The following UBE3A variants were observed in gnomAD, a reference collection of about 807,000 sequenced individuals.
UBE3A encodes the protein ubiquitin protein ligase E3A, also known as ubiquitin-protein ligase E3A.
In UBE3A, 6 loss-of-function variants were observed where a neutral mutation model predicts 83.4. The ratio of observed to expected loss-of-function variants is 0.07; its 90% CI spans 0.04 to 0.14. The LOEUF (loss-of-function observed/expected upper bound fraction) is 0.14, where lower values mean the gene tolerates loss of function less well. Among genes scored for constraint, UBE3A ranks in the 10% least tolerant of loss-of-function variants. The probability of loss-of-function intolerance (pLI) is 1.00; values close to 1 mark genes in which losing one functional copy is unlikely to be tolerated. For missense variants in UBE3A, 456 were observed against 1,036.1 expected (o/e 0.44, Z 7.69); for synonymous variants, 337 against 355.4 (o/e 0.95, Z 0.58).
rs80072134 is a variant in UBE3A, at chr15:25,342,433, A to G, written c.2355-2205T>C. ...TAAACGAAACCTTTAAAAATTTTAT[A>G]CAATGAAAACAGGGAACAAAATGCA... On this transcript the variant is annotated intron_variant, in intron 11 of 12. Coordinates refer to ENST00000648336, the MANE Select transcript of UBE3A (RefSeq NM_130839.5). Among the ~76,000 whole-genome samples, 80 of 151,782 alleles carry G rather than the reference A, an allele frequency of 5.3e-4. 1 individual carries two copies. In the East Asian group the frequency reaches 0.011, roughly 21 times the overall value.
At chr15:25,342,734 A>G (rs1335747801) in intron 11 of UBE3A, among the ~76,000 whole-genome samples, 1 of 152,192 alleles carries the variant, frequency 6.6e-6, no homozygotes, top group East Asian at 1.9e-4. Flanking sequence ...AGCAGGGTCC[A>G]GCAGGAGCTA....
At chr15:25,345,591 A>ACACACACACAC (rs1555384547) in intron 11 of UBE3A, 35 of 126,008 alleles carry the variant, frequency 2.8e-4, no homozygotes, top group Non-Finnish European at 4.6e-4. Context: ...CACACACACA[A>ACACACACACAC]ATAAATAAAT....
intron 3 of UBE3A, chr15:25,407,015 T>G (rs2088770769): frequency 7.9e-7 from 1 of 1,264,334 alleles, no homozygotes; most frequent in Non-Finnish European, 1.0e-6. Context: ...AATGCAAAAA[T>G]TTCACTCCAC....
rs2073896037 is a variant in UBE3A, at chr15:25,335,071, G to GT, written c.*4065dup. ...AAAGGTTATTAGAAGAAAAAAAGAT[G>GT]TAAGAAAATTCCTTAACTGAAATGT... On this transcript the variant is annotated 3_prime_UTR_variant, in exon 13 of 13. Transcript: ENST00000648336. 1 of 151,938 alleles carries GT rather than the reference G, an allele frequency of 6.6e-6. No homozygotes were observed. Among genetic ancestry groups the GT allele is most frequent in the African/African-American group, 2.4e-5 (1 of 41,328 alleles). 9.4% of individuals were successfully genotyped at this position (151,938 alleles called of 1,614,324 possible).
At chr15:25,351,258 A>G (rs1022972454) in intron 11 of UBE3A, among the ~76,000 whole-genome samples, 5 of 152,202 alleles carry the variant, frequency 3.3e-5, no homozygotes, top group African/African-American at 1.2e-4. Context: ...TTGATGAGAA[A>G]GAGTTTTTCT....
chr15:25,387,454 G>C (rs925783282), intron 4 of UBE3A, among the ~76,000 whole-genome samples: 1 of 151,960 alleles, frequency 6.6e-6, no homozygotes, highest in South Asian at 2.1e-4. Flanking sequence ...CCCGGGAGGC[G>C]GAGCTTGCGG....
intron 4 of UBE3A, among the ~76,000 whole-genome samples, chr15:25,382,977 T>C (rs1273028446): frequency 6.6e-6 from 1 of 151,788 alleles, no homozygotes; most frequent in Admixed American, 6.6e-5. Context: ...CACTGAAAAC[T>C]CTACCAAACA....
chr15:25,406,856 GAAAAAAAAA>G lies in UBE3A; in HGVS notation c.21-1363_21-1355del, dbSNP rs11413336. ...GATTCCAAGGACAAGAATGGAAAAGGAAAAAAAAAAAAAAAAAAGACTCCAGCAGCTCAA... is the reference window on the plus strand; with the variant it reads ...GATTCCAAGGACAAGAATGGAAAAGGAAAAAAAAAGACTCCAGCAGCTCAA... On this transcript the variant is annotated intron_variant, in intron 3 of 12. Coordinates refer to ENST00000648336, the MANE Select transcript of UBE3A (RefSeq NM_130839.5). 3.5e-5 allele frequency among the ~76,000 whole-genome samples: 4 copies of G among 114,676 alleles called. No homozygotes were observed. The East Asian group carries it at 1.3e-3, about 38-fold the overall frequency. 75.2% of individuals were successfully genotyped at this position (114,676 alleles called of 152,430 possible).
chr15:25,343,415 A>C (rs2075186988), intron 11 of UBE3A, among the ~76,000 whole-genome samples: 1 of 152,208 alleles, frequency 6.6e-6, no homozygotes, highest in Non-Finnish European at 1.5e-5. Context: ...AGAAATGAGC[A>C]CATCTTAAAT....
At position 25,409,189 on chromosome 15, in the gene UBE3A, G is replaced by A. The variant is rs1200059824; in HGVS notation, c.-82C>T. 3.0e-6 allele frequency: 4 copies of A among 1,354,778 alleles called. No homozygotes were observed. Among genetic ancestry groups the A allele is most frequent in the East Asian group, 4.7e-5 (2 of 42,150 alleles). 83.9% of individuals were successfully genotyped at this position (1,354,778 alleles called of 1,614,324 possible). ...ACCAGTCTAGCTGCTACCTTGATCT[G>A]AGCGTAGGCTTAATAACTCTAATAA... On this transcript the variant is annotated 5_prime_UTR_variant, in exon 3 of 13. Coordinates refer to ENST00000648336, the MANE Select transcript of UBE3A (RefSeq NM_130839.5).
intron 3 of UBE3A, 179 bp from the exon 4 acceptor site, chr15:25,405,681 T>A (rs2088354274): frequency 1.1e-5 from 7 of 650,048 alleles, no homozygotes; most frequent in South Asian, 9.5e-5. Context: ...TACAACACAT[T>A]TATTTTAAGG....
intron 3 of UBE3A, chr15:25,408,573 A>C: frequency 6.2e-7 from 1 of 1,612,778 alleles, no homozygotes; most frequent in Non-Finnish European, 8.5e-7. Flanking sequence ...AACACCCACT[A>C]ATCTGAATAC....
chr15:25,406,477 CTATT>C (rs1229615443), intron 3 of UBE3A, among the ~76,000 whole-genome samples: 2 of 152,052 alleles, frequency 1.3e-5, no homozygotes, highest in African/African-American at 4.8e-5. Context: ...ATTTCCCTAT[CTATT>C]CACTTTTATA....
At position 25,360,438 on chromosome 15, in the gene UBE3A, A is replaced by C; in HGVS notation, c.1698T>G (p.Gly566=). ...FEGEQGVDEG[G]VSKEFFQLVV... is the part of the protein sequence containing the mutation. ...CCAGCTGAAAAAATTCTTTGGAAAC[A>C]CCTCCCTCATCAACTCCTTGTTCTC... The change falls in exon 7 of 13, where the codon GGT becomes GGG. Residue 566 remains glycine, a synonymous_variant. Coordinates refer to ENST00000648336, the MANE Select transcript of UBE3A (RefSeq NM_130839.5). 1 of 1,613,824 alleles carries C rather than the reference A, an allele frequency of 6.2e-7. No individual in the cohort carries two copies. The highest frequency in any genetic ancestry group is 8.5e-7 in the Non-Finnish European group (1 of 1,179,900).
intron 5 of UBE3A, chr15:25,374,105 T>C (rs978573235): frequency 6.6e-6 from 1 of 152,074 alleles, no homozygotes; most frequent in African/African-American, 2.4e-5. Context: ...ATTTCCAATA[T>C]ACAATAGTAA....
intron 4 of UBE3A, among the ~76,000 whole-genome samples, chr15:25,389,979 T>C (rs893790141): frequency 3.3e-5 from 5 of 152,010 alleles, no homozygotes; most frequent in South Asian, 2.1e-4. Flanking sequence ...AATTAAAAAA[T>C]TGGCCAACAA....
At chr15:25,378,505 T>C (rs763581145) in intron 4 of UBE3A, among the ~76,000 whole-genome samples, 1 of 152,158 alleles carries the variant, frequency 6.6e-6, no homozygotes. Context: ...GCGGGGCACT[T>C]TGACATGGGT....
intron 4 of UBE3A, among the ~76,000 whole-genome samples, chr15:25,388,678 G>T (rs2083638445): frequency 6.6e-6 from 1 of 151,976 alleles, no homozygotes; most frequent in Non-Finnish European, 1.5e-5. Context: ...CAGATGAAAT[G>T]ACTATATGTG....
At chr15:25,399,659 C>A (rs1420973390) in intron 4 of UBE3A, among the ~76,000 whole-genome samples, 1 of 152,078 alleles carries the variant, frequency 6.6e-6, no homozygotes, top group African/African-American at 2.4e-5. Flanking sequence ...ACCTTAAGCT[C>A]CTGAGCTCAA....
Sources: gnomAD v4.1 joint callset for allele counts (sites outside exome capture counted in the v4.1 genomes callset) on GRCh38, gnomAD v4.1.1 for gene constraint, MANE v1.5 for transcripts, NCBI Gene and HGNC (gene_info 2026-07-23, HGNC 2026-07-21) for gene names.